The following MMS22L variants were observed in gnomAD, a reference collection of about 807,000 sequenced individuals.
MMS22L encodes the protein MMS22 like, DNA repair protein, also known as protein MMS22-like.
A neutral mutation model predicts 159.1 loss-of-function variants in MMS22L; 74 were observed. The ratio of observed to expected loss-of-function variants is 0.47; its 90% CI spans 0.39 to 0.56. The LOEUF is 0.56. Ranked by LOEUF, MMS22L falls within the 20% of genes least tolerant of loss-of-function variation. MMS22L has a pLI of 0.00. For synonymous variants in MMS22L, 517 were observed against 506.9 expected (o/e 1.02, Z -0.27); for missense variants, 1,351 against 1,422.1 (o/e 0.95, Z 0.80).
At chr6:97,246,059 T>C (rs1812606817) in intron 11 of MMS22L, 1 of 321,018 alleles carries the variant, frequency 3.1e-6, no homozygotes, top group Non-Finnish European at 6.1e-6. Context: ...AGGGCTTCCA[T>C]ACAATATGTT....
intron 14 of MMS22L, among the ~76,000 whole-genome samples, chr6:97,193,839 C>T (rs932442274): frequency 3.3e-5 from 5 of 152,222 alleles, no homozygotes; most frequent in African/African-American, 1.2e-4. Context: ...CGGCTCACTG[C>T]AAGCTCCGCC....
At chr6:97,283,460 C>T (rs1209350351), upstream of MMS22L, 1 of 151,994 alleles carries the variant, frequency 6.6e-6, no homozygotes, top group East Asian at 1.9e-4. Context: ...ATCCTCTGGC[C>T]GGACCAAAGA....
chr6:97,209,518 C>A (rs1242123196), intron 14 of MMS22L, among the ~76,000 whole-genome samples: 1 of 151,772 alleles, frequency 6.6e-6, no homozygotes, highest in Non-Finnish European at 1.5e-5. Context: ...CAATTACAAC[C>A]AATTTATTAG....
At chr6:97,226,510 C>T (rs909190454) in intron 14 of MMS22L, among the ~76,000 whole-genome samples, 3 of 152,106 alleles carry the variant, frequency 2.0e-5, no homozygotes, top group African/African-American at 7.2e-5. Flanking sequence ...AGGAGAATTG[C>T]TTGAGCCCAG....
intron 17 of MMS22L, 79 bp from the exon 18 acceptor site, chr6:97,178,664 A>ACATT: frequency 1.5e-6 from 1 of 681,268 alleles, no homozygotes; most frequent in Non-Finnish European, 2.3e-6. Context: ...ACATATATAT[A>ACATT]ATGTATATAT....
intron 12 of MMS22L, among the ~76,000 whole-genome samples, chr6:97,232,894 T>C (rs1304025186): frequency 1.3e-5 from 2 of 152,154 alleles, no homozygotes; most frequent in Non-Finnish European, 2.9e-5. Flanking sequence ...TTCCTTTCTA[T>C]ATACAAAGTA....
rs1802499399 is a variant in MMS22L, at chr6:97,162,092, G to C, written c.3295C>G (p.Leu1099Val). The C allele has an allele frequency of 6.2e-7, 1 of 1,612,344 alleles. No homozygotes were observed. The highest frequency in any genetic ancestry group is 8.5e-7 in the Non-Finnish European group (1 of 1,179,054). Residue 1099 changes from leucine to valine, a missense_variant, in exon 22 of 25, where the codon CTC becomes GTC. Coordinates refer to ENST00000683635, the MANE Select transcript of MMS22L (RefSeq NM_001350599.2). ...ATGTCTGTGTTAGTTTCCTTGAAGA[G>C]TTGGAGGATGAAGGCCAGAATGGAT... ...LASILAFILQ[L>V]FKETNTDIYE... is the part of the protein sequence containing the mutation.
At position 97,263,375 on chromosome 6, in the gene MMS22L, A is replaced by C; in HGVS notation, c.902T>G (p.Ile301Ser). The C allele has an allele frequency of 6.3e-7, 1 of 1,594,388 alleles. No individual in the cohort carries two copies. Among genetic ancestry groups the C allele is most frequent in the Non-Finnish European group, 8.5e-7 (1 of 1,173,768 alleles). Reference sequence around the variant, plus strand: ...TTTACTTCTGTGGTCTAGAAGATGAATAAGTAGAACCCATAATTCTTTAAT... The same window carrying C: ...TTTACTTCTGTGGTCTAGAAGATGACTAAGTAGAACCCATAATTCTTTAAT... ...LCIKELWVLL[I>S]HLLDHRSKWF... Residue 301 changes from isoleucine to serine, a missense_variant, in exon 9 of 25, where the codon ATT becomes AGT. Physicochemically the swap from Ile to Ser is moderately radical, Grantham distance 142 (BLOSUM62 -2). Transcript: ENST00000683635.
chr6:97,252,130 T>C (rs1423013863), intron 10 of MMS22L, among the ~76,000 whole-genome samples: 1 of 149,830 alleles, frequency 6.7e-6, no homozygotes, highest in African/African-American at 2.5e-5. Flanking sequence ...ACTGCAACCA[T>C]AGGTGGTTAT....
At chr6:97,279,666 A>G (rs1438771334) in intron 3 of MMS22L, among the ~76,000 whole-genome samples, 3 of 151,568 alleles carry the variant, frequency 2.0e-5, no homozygotes, top group African/African-American at 7.3e-5. Context: ...GGGACCCTGT[A>G]ATCCGAGCTA....
chr6:97,238,969 T>C (rs1410339737), intron 11 of MMS22L, among the ~76,000 whole-genome samples: 2 of 142,488 alleles, frequency 1.4e-5, no homozygotes, highest in African/African-American at 2.6e-5. Context: ...CTGGTTATTA[T>C]ATATAATTTA....
At chr6:97,235,369 G>A (rs1010265897) in intron 11 of MMS22L, among the ~76,000 whole-genome samples, 1 of 152,170 alleles carries the variant, frequency 6.6e-6, no homozygotes, top group African/African-American at 2.4e-5. Context: ...CAGATAATCT[G>A]ACCTATGGGT....
At chr6:97,148,937 C>G (rs1181349419) in intron 24 of MMS22L, among the ~76,000 whole-genome samples, 1 of 152,042 alleles carries the variant, frequency 6.6e-6, no homozygotes, top group East Asian at 1.9e-4. Context: ...ATTTTAAAAT[C>G]TTTGCTACCA....
chr6:97,181,382 C>T (rs796427210), intron 16 of MMS22L, among the ~76,000 whole-genome samples: 6 of 152,044 alleles, frequency 3.9e-5, no homozygotes, highest in African/African-American at 1.4e-4. Flanking sequence ...CCTCAGATCT[C>T]TTGTGTAATG....
At chr6:97,225,427 T>C (rs1810123543) in intron 14 of MMS22L, among the ~76,000 whole-genome samples, 2 of 152,062 alleles carry the variant, frequency 1.3e-5, no homozygotes, top group Admixed American at 6.6e-5. Context: ...CTCGGCTTAC[T>C]GCAACCACCA....
chr6:97,261,829 CAA>C (rs905337879), intron 9 of MMS22L: 2 of 151,244 alleles, frequency 1.3e-5, no homozygotes, highest in African/African-American at 4.9e-5. Context: ...TTTCTTTTTT[CAA>C]GAGAGGGTCT....
rs530887044 is a variant in MMS22L, at chr6:97,247,190, A to G, written c.1120-500T>C. 1.8e-4 allele frequency among the ~76,000 whole-genome samples: 27 copies of G among 152,336 alleles called. 1 individual carries two copies. Among genetic ancestry groups the G allele is most frequent in the Middle Eastern group, 6.8e-3 (2 of 294 alleles). On this transcript the variant is annotated intron_variant, in intron 10 of 24. Transcript: ENST00000683635. Reference sequence around the variant, plus strand: ...AAATTGACAACCTCGACTATCTAGAATGATTTCCATAAGGAAGAAAGCTAA... The same window carrying G: ...AAATTGACAACCTCGACTATCTAGAGTGATTTCCATAAGGAAGAAAGCTAA...
intron 14 of MMS22L, among the ~76,000 whole-genome samples, chr6:97,199,763 A>G (rs1806945538): frequency 6.6e-6 from 1 of 151,788 alleles, no homozygotes; most frequent in African/African-American, 2.4e-5. Flanking sequence ...ACCTAGGGAT[A>G]TTTTTTAAAG....
intron 22 of MMS22L, among the ~76,000 whole-genome samples, chr6:97,154,617 A>G (rs1316323882): frequency 6.6e-6 from 1 of 152,108 alleles, no homozygotes; most frequent in African/African-American, 2.4e-5. Context: ...ATTTTAGGTT[A>G]GTTTTCGTAT....
Sources: allele counts gnomAD v4.1 joint callset (sites outside exome capture counted in the v4.1 genomes callset), GRCh38; gene constraint gnomAD v4.1.1; transcripts MANE v1.5; gene names NCBI Gene and HGNC (gene_info 2026-07-23, HGNC 2026-07-21).